The following UTRN variants were observed in gnomAD, a reference collection of about 807,000 sequenced individuals.
The protein encoded by UTRN is utrophin.
A neutral mutation model predicts 463.9 loss-of-function variants in UTRN; 283 were observed. The observed-to-expected ratio is 0.61, with a 90% CI of 0.55 to 0.67. UTRN has a LOEUF of 0.67. Among genes scored for constraint, UTRN ranks in the 30% least tolerant of loss-of-function variants. UTRN has a pLI of 0.00. For missense variants in UTRN, 3,922 were observed against 4,084.3 expected (o/e 0.96, Z 1.08); for synonymous variants, 1,442 against 1,431.5 (o/e 1.01, Z -0.17).
At chr6:144,377,526 T>G (rs994534864) in intron 2 of UTRN, among the ~76,000 whole-genome samples, 5 of 152,206 alleles carry the variant, frequency 3.3e-5, no homozygotes, top group Admixed American at 1.3e-4. Flanking sequence ...AGAGCCTTGA[T>G]GCTAGCCTGA....
intron 50 of UTRN, among the ~76,000 whole-genome samples, chr6:144,564,794 C>T (rs930207582): frequency 6.6e-6 from 1 of 152,134 alleles, no homozygotes; most frequent in African/African-American, 2.4e-5. Flanking sequence ...TCTCCCTTGA[C>T]ACATGGGGAT....
intron 1 of UTRN, among the ~76,000 whole-genome samples, chr6:144,287,388 A>G (rs998169192): frequency 2.0e-5 from 3 of 151,958 alleles, no homozygotes; most frequent in Non-Finnish European, 4.4e-5. Flanking sequence ...AGTTCTTGGC[A>G]CTCACCGTTT....
intron 51 of UTRN, among the ~76,000 whole-genome samples, chr6:144,585,760 C>A (rs1802409976): frequency 6.6e-6 from 1 of 152,126 alleles, no homozygotes; most frequent in Non-Finnish European, 1.5e-5. Context: ...CTGTAAATTC[C>A]CTTCCCATTA....
chr6:144,437,687 G>T lies in UTRN; in HGVS notation c.1182G>T (p.Met394Ile), dbSNP rs868569544. 6.2e-7 allele frequency: 1 copy of T among 1,614,172 alleles called. No homozygotes were observed. Among genetic ancestry groups the T allele is most frequent in the African/African-American group, 1.3e-5 (1 of 75,056 alleles). Residue 394 changes from methionine (M) to isoleucine (I), a missense_variant, in exon 11 of 75, where the codon ATG (methionine) becomes ATT (isoleucine). Coordinates refer to ENST00000367545, the MANE Select transcript of UTRN (RefSeq NM_007124.3). Reference sequence around the variant, plus strand: ...AAGAATTTGAGATTCAGGAACAGATGACCCTGCTGAATGCTAGATGGGAGG... The same window carrying T: ...AAGAATTTGAGATTCAGGAACAGATTACCCTGCTGAATGCTAGATGGGAGG... ...DEEEFEIQEQ[M>I]TLLNARWEAL... is the part of the protein sequence containing the mutation.
chr6:144,690,007 G>A (rs9390194), intron 52 of UTRN, among the ~76,000 whole-genome samples: 13,911 of 147,696 alleles, frequency 0.094, 1,160 homozygotes, highest in East Asian at 0.48. Context: ...TTTGCCTTAT[G>A]TTACCCAGGG....
Position 144,291,908 on chromosome 6 carries a change from G to C in UTRN, c.79+1G>C, listed in dbSNP as rs1003658286. ...AGTGATATCATTAAGTCCAGATCTG[G>C]TAGGTAAAGGAAGCTCAAGAAAGCT... is the stretch of plus-strand genomic sequence containing the variant. On this transcript the variant is annotated splice_donor_variant, in intron 2 of 74. Coordinates refer to ENST00000367545, the MANE Select transcript of UTRN (RefSeq NM_007124.3). LOFTEE classifies it high-confidence loss of function. 3.1e-6 allele frequency: 5 copies of C among 1,607,702 alleles called. No homozygotes were observed. Among genetic ancestry groups the C allele is most frequent in the Non-Finnish European group, 3.4e-6 (4 of 1,177,204 alleles).
chr6:144,554,100 G>C (rs541538730), intron 48 of UTRN, among the ~76,000 whole-genome samples: 1 of 152,226 alleles, frequency 6.6e-6, no homozygotes, highest in South Asian at 2.1e-4. Context: ...TTATGATGAA[G>C]AGCTGCTGGG....
intron 2 of UTRN, among the ~76,000 whole-genome samples, chr6:144,382,316 G>A (rs1781006717): frequency 6.6e-6 from 1 of 152,214 alleles, no homozygotes; most frequent in African/African-American, 2.4e-5. Context: ...TAACAAAGTG[G>A]TAAAGTTTTT....
intron 42 of UTRN, 43 bp downstream of exon 42, chr6:144,531,245 A>G (rs1489319417): frequency 6.3e-7 from 1 of 1,575,574 alleles, no homozygotes; most frequent in South Asian, 1.2e-5. Flanking sequence ...ACATATGGTT[A>G]GTGTATGCCT....
At chr6:144,786,862 T>G (rs1176192656) in intron 61 of UTRN, among the ~76,000 whole-genome samples, 2 of 152,212 alleles carry the variant, frequency 1.3e-5, no homozygotes. Flanking sequence ...CTATCTTACC[T>G]TCCTCAGCTA....
At chr6:144,401,774 G>A (rs954023381) in intron 2 of UTRN, among the ~76,000 whole-genome samples, 2 of 152,054 alleles carry the variant, frequency 1.3e-5, no homozygotes, top group Non-Finnish European at 2.9e-5. Flanking sequence ...CCACAAACTG[G>A]GTGAAGTGGT....
chr6:144,821,628 G>A (rs1219036644), intron 66 of UTRN, among the ~76,000 whole-genome samples: 1 of 152,004 alleles, frequency 6.6e-6, no homozygotes, highest in Non-Finnish European at 1.5e-5. Context: ...AAAGTTTCAA[G>A]ATGGTGAAAT....
At chr6:144,524,464 A>G (rs897972899) in intron 41 of UTRN, among the ~76,000 whole-genome samples, 1 of 152,176 alleles carries the variant, frequency 6.6e-6, no homozygotes, top group African/African-American at 2.4e-5. Context: ...TTGCCAGTTT[A>G]ATAGTGATAG....
Position 144,605,677 on chromosome 6 carries a change from AT to A in UTRN, c.7479+28404del, listed in dbSNP as rs11370145. Among the ~76,000 whole-genome samples the A allele has an allele frequency of 0.048, 6,637 of 139,638 alleles. 756 individuals are homozygous for A. In the East Asian group the frequency reaches 0.52, roughly 11 times the overall value. The allele number at this position is 139,638 out of a possible 152,430, so 91.6% of individuals were successfully genotyped here. ...ATCTGTTAACTTCAGTGTGGGTGCC[AT>A]TTTTTTTTTTTTTTGGTATTTCATG... is the stretch of plus-strand genomic sequence containing the variant. On this transcript the variant is annotated intron_variant, in intron 51 of 74. Transcript: ENST00000367545.
intron 2 of UTRN, among the ~76,000 whole-genome samples, chr6:144,319,727 C>T (rs1211677314): frequency 1.3e-5 from 2 of 152,120 alleles, no homozygotes; most frequent in African/African-American, 4.8e-5. Context: ...GCCACCATGC[C>T]CAGTTAATTT....
intron 51 of UTRN, among the ~76,000 whole-genome samples, chr6:144,596,687 G>A (rs1379830117): frequency 6.6e-6 from 1 of 152,104 alleles, no homozygotes; most frequent in Non-Finnish European, 1.5e-5. Context: ...AACACATATG[G>A]TAACATCTTA....
intron 52 of UTRN, among the ~76,000 whole-genome samples, chr6:144,679,524 C>A (rs1176111599): frequency 6.6e-6 from 1 of 152,156 alleles, no homozygotes; most frequent in Non-Finnish European, 1.5e-5. Flanking sequence ...TGATCTTGAA[C>A]AAACTACTCA....
At chr6:144,508,753 A>G (rs886906795) in intron 34 of UTRN, among the ~76,000 whole-genome samples, 2 of 152,038 alleles carry the variant, frequency 1.3e-5, no homozygotes, top group African/African-American at 2.4e-5. Flanking sequence ...TCTTTCCAGT[A>G]TTTATTTTGG....
chr6:144,603,019 G>A (rs1028435920), intron 51 of UTRN, among the ~76,000 whole-genome samples: 1 of 152,130 alleles, frequency 6.6e-6, no homozygotes, highest in Non-Finnish European at 1.5e-5. Flanking sequence ...AGATACGCCT[G>A]TATGCATGTA....
Sources: allele counts gnomAD v4.1 joint callset (sites outside exome capture counted in the v4.1 genomes callset), GRCh38; gene constraint gnomAD v4.1.1; transcripts MANE v1.5; gene names NCBI Gene and HGNC (gene_info 2026-07-23, HGNC 2026-07-21).